GRIN1: variants seen among roughly 807,000 people sequenced by gnomAD.
GRIN1 encodes glutamate ionotropic receptor NMDA type subunit 1.
A neutral mutation model predicts 103.0 loss-of-function variants in GRIN1; 38 were observed. That is an observed-to-expected ratio of 0.37 (90% confidence interval 0.28 to 0.48). The LOEUF (loss-of-function observed/expected upper bound fraction) is 0.48, where lower values mean the gene tolerates loss of function less well. GRIN1 is among the 20% of genes least tolerant of loss of function. GRIN1 has a pLI of 0.98. For synonymous variants in GRIN1, 544 were observed against 532.7 expected (o/e 1.02, Z -0.29); for missense variants, 577 against 1,288.9 (o/e 0.45, Z 8.46).
intron 10 of GRIN1, 80 bp downstream of exon 10, chr9:137,161,496 C>T: frequency 1.8e-6 from 1 of 565,846 alleles, no homozygotes; most frequent in Non-Finnish European, 2.5e-6. Flanking sequence ...ATGGAGTAGG[C>T]GGGGCTTGCA....
Position 137,167,663 on chromosome 9 carries a change from C to A in GRIN1, c.*136C>A, listed in dbSNP as rs933357323. On this transcript the variant is annotated 3_prime_UTR_variant, in exon 20 of 20. Coordinates refer to ENST00000371561, the MANE Select transcript of GRIN1 (RefSeq NM_007327.4). ...AGCACCCCCAGCCTCCCCCAGGCTGCGCCTGCCCGCCCGCCGGTTGGCCGG... is the reference window on the plus strand; with the variant it reads ...AGCACCCCCAGCCTCCCCCAGGCTGAGCCTGCCCGCCCGCCGGTTGGCCGG... The A allele has an allele frequency of 3.9e-6, 6 of 1,521,936 alleles. No individual in the cohort carries two copies. The highest frequency in any genetic ancestry group is 5.3e-6 in the Non-Finnish European group (6 of 1,135,534). 94.3% of individuals were successfully genotyped at this position (1,521,936 alleles called of 1,614,324 possible). A position where few individuals can be genotyped will look rare whatever the true frequency, so the allele number is the denominator to read the frequency against.
At chr9:137,154,688 G>C (rs897375747) in intron 4 of GRIN1, among the ~76,000 whole-genome samples, 3 of 151,888 alleles carry the variant, frequency 2.0e-5, no homozygotes, top group Non-Finnish European at 2.9e-5. Context: ...CTGACCTCAG[G>C]AGACCTGCCC....
At chr9:137,142,688 G>A (rs1832242147) in intron 2 of GRIN1, among the ~76,000 whole-genome samples, 1 of 152,244 alleles carries the variant, frequency 6.6e-6, no homozygotes, top group African/African-American at 2.4e-5. Flanking sequence ...TTGAAGGGGA[G>A]TTTGGAGAGC....
rs1160441007 is a variant in GRIN1, at chr9:137,146,549, C to T, written c.570+647C>T. ...CCTGGTTCTAGGACACACTGACCCC[C>T]AACACAGCCAGGCGTCCACTCTGTG... On this transcript the variant is annotated intron_variant, in intron 3 of 19. Coordinates refer to ENST00000371561, the MANE Select transcript of GRIN1 (RefSeq NM_007327.4). The surrounding 1 kb of genome is among the most constrained non-coding windows in gnomAD (Gnocchi z 6.7). Among the ~76,000 whole-genome samples, 1 of 152,212 alleles carries T rather than the reference C, an allele frequency of 6.6e-6. No individual in the cohort carries two copies. The highest frequency in any genetic ancestry group is 1.5e-5 in the Non-Finnish European group (1 of 68,020).
rs537603879 is a variant in GRIN1 at position 137,146,746 on chromosome 9, C to T, written c.570+844C>T. On this transcript the variant is annotated intron_variant, in intron 3 of 19. Coordinates refer to ENST00000371561, the MANE Select transcript of GRIN1 (RefSeq NM_007327.4). The surrounding 1 kb of genome is among the most constrained non-coding windows in gnomAD (Gnocchi z 6.7). ...CCTGATCAAGCAGTGGGAGGAGGCC[C>T]AGGCTGAGGAGGGCCAGACCTATGG... 1.1e-3 allele frequency among the ~76,000 whole-genome samples: 165 copies of T among 152,278 alleles called. 1 individual carries two copies. Among genetic ancestry groups the T allele is most frequent in the African/African-American group, 3.9e-3 (163 of 41,550 alleles).
chr9:137,142,210 C>T, intron 2 of GRIN1, 63 bp downstream of exon 2: 1 of 1,584,206 alleles, frequency 6.3e-7, no homozygotes. Flanking sequence ...CTGGCCACTC[C>T]AGGAGCAGCG....
intron 2 of GRIN1, among the ~76,000 whole-genome samples, chr9:137,144,375 C>T (rs1336838233): frequency 3.4e-5 from 5 of 146,360 alleles, no homozygotes; most frequent in African/African-American, 1.3e-4. Context: ...CCCAGGTTGG[C>T]CGGGCGCGGT....
In GRIN1 at chr9:137,139,591, G is replaced by A. The variant is rs144566508; in HGVS notation, c.105G>A (p.Thr35=). Residue 35 remains threonine (T), a synonymous_variant, in exon 1 of 20, where the codon ACG becomes ACA. Coordinates refer to ENST00000371561, the MANE Select transcript of GRIN1 (RefSeq NM_007327.4). This position sits in a 1 kb window ranked among gnomAD's most constrained non-coding sequence, Gnocchi z 7.7. ...TCAACATTGGCGCGGTGCTGAGCAC[G>A]CGGAAGCACGAGCAGATGTTCCGCG... ...KIVNIGAVLS[T]RKHEQMFREA... is the part of the protein sequence containing the mutation. 4.2e-5 allele frequency: 67 copies of A among 1,613,566 alleles called. No homozygotes were observed. In the African/African-American group the frequency reaches 6.9e-4, roughly 17 times the overall value.
At position 137,162,658 on chromosome 9, in the gene GRIN1, G is replaced by A; in HGVS notation, c.1932G>A (p.Val644=). 1 of 1,612,382 alleles carries A rather than the reference G, an allele frequency of 6.2e-7. No individual in the cohort carries two copies. ...GGGCCGGCTTTGCCATGATCATCGT[G>A]GCCTCCTACACCGCCAACCTGGCGG... ...MVWAGFAMII[V]ASYTANLAAF... is the part of the protein sequence containing the mutation. Residue 644 remains valine (V), a synonymous_variant, in exon 14 of 20, where the codon GTG becomes GTA. Transcript: ENST00000371561.
rs1208512042 is a variant in GRIN1, at chr9:137,167,614, G to C, written c.*87G>C. The C allele has an allele frequency of 7.4e-7, 1 of 1,356,664 alleles. No homozygotes were observed. The highest frequency in any genetic ancestry group is 1.5e-5 in the African/African-American group (1 of 65,030). The allele number at this position is 1,356,664 out of a possible 1,614,324, so 84.0% of individuals were successfully genotyped here. On this transcript the variant is annotated 3_prime_UTR_variant, in exon 20 of 20. Coordinates refer to ENST00000371561, the MANE Select transcript of GRIN1 (RefSeq NM_007327.4). ...AGCGGCCCGGCCCACGCAGAGCCCC[G>C]GAGCACCACGGGGTCGGGGGAGGAG...
chr9:137,153,459 C>T (rs1456129020), intron 4 of GRIN1, among the ~76,000 whole-genome samples: 1 of 151,804 alleles, frequency 6.6e-6, no homozygotes, highest in African/African-American at 2.4e-5. Flanking sequence ...ACACATACAT[C>T]TCTACCCACA....
intron 3 of GRIN1, chr9:137,148,055 C>T (rs913531108): frequency 1.3e-5 from 10 of 778,194 alleles, no homozygotes; most frequent in Non-Finnish European, 2.1e-5. Context: ...TGCAGACGTG[C>T]CGAGGAGGTG....
chr9:137,161,750 C>T lies in GRIN1; in HGVS notation c.1468-174C>T, dbSNP rs1422009392. Among the ~76,000 whole-genome samples the T allele has an allele frequency of 3.4e-5, 4 of 118,400 alleles. No homozygotes were observed. In the East Asian group the frequency reaches 9.4e-4, roughly 28 times the overall value. 77.7% of individuals were successfully genotyped at this position (118,400 alleles called of 152,430 possible). ...GCTGGCTGTGGTGGGGCCCGCCCGG[C>T]GTGGGAGGGGTCTGCGAGCCAGGGC... On this transcript the variant is annotated intron_variant, in intron 10 of 19. Transcript: ENST00000371561.
intron 4 of GRIN1, among the ~76,000 whole-genome samples, chr9:137,150,302 C>T (rs528448370): frequency 6.6e-6 from 1 of 152,174 alleles, no homozygotes; most frequent in East Asian, 1.9e-4. Context: ...AGAAGGAATG[C>T]CCCGCCCAGG....
At chr9:137,161,512 TG>T in intron 10 of GRIN1, 96 bp downstream of exon 10, 1 of 301,962 alleles carries the variant, frequency 3.3e-6, no homozygotes, top group Non-Finnish European at 4.9e-6. Flanking sequence ...TTGCAGATGG[TG>T]GGGGGTCCTG....
At chr9:137,161,029 C>T (rs758785535) in intron 8 of GRIN1, 27 bp from the exon 9 acceptor site, 1 of 1,612,202 alleles carries the variant, frequency 6.2e-7, no homozygotes, top group South Asian at 1.1e-5. Context: ...GTCGGTGGTC[C>T]AGGCTGGGTC....
intron 8 of GRIN1, among the ~76,000 whole-genome samples, chr9:137,159,019 CA>C (rs1014258308): frequency 6.6e-6 from 1 of 152,180 alleles, no homozygotes; most frequent in Non-Finnish European, 1.5e-5. Context: ...GGACAGCAGG[CA>C]GACCTCAGCT....
At chr9:137,156,490 G>A (rs903294779) in intron 4 of GRIN1, among the ~76,000 whole-genome samples, 179 bp from the exon 5 acceptor site, 4 of 152,194 alleles carry the variant, frequency 2.6e-5, no homozygotes, top group African/African-American at 7.2e-5. Flanking sequence ...AGCCAGCAAC[G>A]GAGGCCTGGG....
At chr9:137,163,951 G>C in intron 18 of GRIN1, 47 bp downstream of exon 18, 3 of 1,602,780 alleles carry the variant, frequency 1.9e-6, no homozygotes, top group Non-Finnish European at 2.6e-6. Flanking sequence ...GCCCGGCCTG[G>C]CCACGGCCCT....
Sources: gnomAD v4.1 joint callset for allele counts (sites outside exome capture counted in the v4.1 genomes callset) on GRCh38, gnomAD v4.1.1 for gene constraint, Gnocchi (gnomAD v3.1) non-coding constraint, MANE v1.5 for transcripts, NCBI Gene and HGNC (gene_info 2026-07-23, HGNC 2026-07-21) for gene names.